Variants in CRADD observed in about 807,000 individuals in gnomAD.
The protein encoded by CRADD is CARD and death domain containing adaptor protein, also known as death domain-containing protein CRADD.
In CRADD, 9 loss-of-function variants were observed where a neutral mutation model predicts 15.5. The ratio of observed to expected loss-of-function variants is 0.58; its 90% CI spans 0.35 to 1.01. CRADD has a LOEUF of 1.01. CRADD is among the 50% of genes least tolerant of loss of function. CRADD has a pLI of 0.02. For missense variants in CRADD, 227 were observed against 250.3 expected (o/e 0.91, Z 0.63); for synonymous variants, 118 against 107.6 (o/e 1.10, Z -0.60).
intron 2 of CRADD, among the ~76,000 whole-genome samples, chr12:93,817,990 TC>T (rs751563598): frequency 2.6e-5 from 4 of 151,644 alleles, no homozygotes; most frequent in African/African-American, 7.3e-5. Flanking sequence ...CTGCCAGGGT[TC>T]CCCCCGCCAG....
chr12:93,836,221 C>T (rs1209858666), intron 2 of CRADD: 1 of 152,146 alleles, frequency 6.6e-6, no homozygotes, highest in Admixed American at 6.5e-5. Flanking sequence ...TTAATTTTTT[C>T]CTCTTTAGAT....
intron 2 of CRADD, among the ~76,000 whole-genome samples, chr12:93,819,112 G>T (rs1957741026): frequency 6.6e-6 from 1 of 152,248 alleles, no homozygotes; most frequent in Non-Finnish European, 1.5e-5. Flanking sequence ...TCACCCATGT[G>T]GGCAGGCCTA....
chr12:93,755,943 A>G (rs1022661875), intron 2 of CRADD, among the ~76,000 whole-genome samples: 2 of 152,184 alleles, frequency 1.3e-5, no homozygotes, highest in African/African-American at 4.8e-5. Flanking sequence ...GGTGTGGGCC[A>G]TGTTCTAAGC....
At chr12:93,804,254 C>T (rs564553177) in intron 2 of CRADD, among the ~76,000 whole-genome samples, 1 of 152,174 alleles carries the variant, frequency 6.6e-6, no homozygotes, top group Non-Finnish European at 1.5e-5. Flanking sequence ...TGCATTTTGG[C>T]AAGAGTGATG....
intron 2 of CRADD, among the ~76,000 whole-genome samples, chr12:93,821,191 C>T (rs988799645): frequency 3.9e-5 from 6 of 152,228 alleles, no homozygotes; most frequent in African/African-American, 1.4e-4. Flanking sequence ...TCTTTCAGGG[C>T]GACAGTTGGT....
chr12:93,837,884 C>G (rs944232716), intron 2 of CRADD: 2 of 152,216 alleles, frequency 1.3e-5, no homozygotes, highest in South Asian at 2.1e-4. Context: ...ATTTATACTA[C>G]CCAGGCTTCC....
rs1468720807 is a variant in CRADD, at chr12:93,798,173, C to T, written c.299-51797C>T. ...AACCCTTGGAACATGATTTATAATTCGTGGGATGACTTTTTCTTTTTTCCC... is the reference window on the plus strand; with the variant it reads ...AACCCTTGGAACATGATTTATAATTTGTGGGATGACTTTTTCTTTTTTCCC... On this transcript the variant is annotated intron_variant, in intron 2 of 2. Transcript: ENST00000332896. Among the ~76,000 whole-genome samples the T allele has an allele frequency of 2.9e-5, 4 of 139,406 alleles. No homozygotes were observed. The East Asian group carries it at 7.5e-4, about 26-fold the overall frequency. The allele number at this position is 139,406 out of a possible 152,430, so 91.5% of individuals were successfully genotyped here. A position where few individuals can be genotyped will look rare whatever the true frequency, so the allele number is the denominator to read the frequency against.
intron 2 of CRADD, among the ~76,000 whole-genome samples, chr12:93,789,981 T>C (rs1957330243): frequency 2.6e-5 from 4 of 152,144 alleles, no homozygotes; most frequent in Admixed American, 2.0e-4. Context: ...ACTCTAAAGG[T>C]AGTAGTTGTG....
At chr12:93,751,874 C>A (rs553607913) in intron 2 of CRADD, among the ~76,000 whole-genome samples, 5 of 152,212 alleles carry the variant, frequency 3.3e-5, no homozygotes, top group Admixed American at 3.3e-4. Context: ...AAAACACAAA[C>A]AAAAAATCCT....
In CRADD at chr12:93,739,349, TC is replaced by T. The variant is rs1956634713; in HGVS notation, c.298+60278del. 3.3e-5 allele frequency among the ~76,000 whole-genome samples: 5 copies of T among 151,090 alleles called. 1 individual carries two copies. In the South Asian group the frequency reaches 1.0e-3, roughly 32 times the overall value. On this transcript the variant is annotated intron_variant, in intron 2 of 2. Transcript: ENST00000332896. Reference sequence around the variant, plus strand: ...TCTTAACAGGATATATATATATATATCTAAAGTATATAACATATTATTTAAA... The same window carrying T: ...TCTTAACAGGATATATATATATATATTAAAGTATATAACATATTATTTAAA...
chr12:93,746,137 A>G lies in CRADD; in HGVS notation c.298+67065A>G, dbSNP rs1165838045. Among the ~76,000 whole-genome samples, 3 of 152,202 alleles carry G rather than the reference A, an allele frequency of 2.0e-5. No homozygotes were observed. In the East Asian group the frequency reaches 5.8e-4, roughly 29 times the overall value. On this transcript the variant is annotated intron_variant, in intron 2 of 2. Coordinates refer to ENST00000332896, the MANE Select transcript of CRADD (RefSeq NM_003805.5). ...TGGATTTTCTAGCAGCCAAAACAAA[A>G]AGAGAGAAAATTAATGAGCTACAGG...
chr12:93,885,132 G>C (rs1163020782), intron 2 of CRADD, among the ~76,000 whole-genome samples: 1 of 152,190 alleles, frequency 6.6e-6, no homozygotes, highest in Non-Finnish European at 1.5e-5. Flanking sequence ...GATGTGGAAA[G>C]GTTAACTGAA....
chr12:93,784,357 C>G (rs1957249574), intron 2 of CRADD, among the ~76,000 whole-genome samples: 3 of 152,114 alleles, frequency 2.0e-5, no homozygotes. Context: ...GTTTAACTCT[C>G]AATGTCCCAT....
chr12:93,760,561 G>T (rs1274470282), intron 2 of CRADD, among the ~76,000 whole-genome samples: 1 of 152,170 alleles, frequency 6.6e-6, no homozygotes, highest in Admixed American at 6.5e-5. Flanking sequence ...CTACCCCACA[G>T]TCAGCAATTT....
chr12:93,853,257 A>G (rs1958243509), downstream of CRADD, among the ~76,000 whole-genome samples: 1 of 152,172 alleles, frequency 6.6e-6, no homozygotes, highest in Admixed American at 6.5e-5. Flanking sequence ...CTTTATATTC[A>G]TGGCTTAAAA....
intron 2 of CRADD, among the ~76,000 whole-genome samples, chr12:93,822,886 G>A (rs1168087676): frequency 1.3e-5 from 2 of 152,086 alleles, no homozygotes; most frequent in East Asian, 1.9e-4. Flanking sequence ...TCAAATCTCT[G>A]TGCAATTGCT....
intron 2 of CRADD, among the ~76,000 whole-genome samples, chr12:93,715,066 A>T (rs557427958): frequency 1.0e-3 from 115 of 112,296 alleles, no homozygotes; most frequent in South Asian, 7.4e-3. Flanking sequence ...TTTTTTTATT[A>T]AAAAAAAAAT....
In CRADD at chr12:93,850,263, T is replaced by C; in HGVS notation, c.592T>C (p.Leu198=). 2 of 1,592,694 alleles carry C rather than the reference T, an allele frequency of 1.3e-6. No homozygotes were observed. Among genetic ancestry groups the C allele is most frequent in the South Asian group, 2.2e-5 (2 of 89,690 alleles). Residue 198 remains leucine (L), a synonymous_variant, in exon 3 of 3, where the codon TTG becomes CTG. Transcript: ENST00000332896. The surrounding 1 kb of genome is among the most constrained non-coding windows in gnomAD (Gnocchi z 4.0). ...EVDPSLLLHM[L]E ...GGACCCCTCGCTGCTCCTGCACATG[T>C]TGGAGTGATGGTGCCTCCAGCAACC...
intron 2 of CRADD, among the ~76,000 whole-genome samples, chr12:93,812,726 G>A (rs1957643428): frequency 6.6e-6 from 1 of 152,182 alleles, no homozygotes; most frequent in Admixed American, 6.5e-5. Context: ...CCTATCTTGT[G>A]CAAAGTTAGT....
Sources: gnomAD v4.1 joint callset for allele counts (sites outside exome capture counted in the v4.1 genomes callset) on GRCh38, gnomAD v4.1.1 for gene constraint, Gnocchi (gnomAD v3.1) non-coding constraint, MANE v1.5 for transcripts, NCBI Gene and HGNC (gene_info 2026-07-23, HGNC 2026-07-21) for gene names.